VCF2: variants seen among roughly 807,000 people sequenced by gnomAD.
The protein encoded by VCF2 is VCP nuclear cofactor family member 2.
At chrX:55,160,237 T>A in the VCF2 span, among the ~76,000 whole-genome samples, 1 of 112,606 alleles carries the variant, frequency 8.9e-6, no homozygotes, top group Non-Finnish European at 1.9e-5. Flanking sequence ...GGTGCCAGGA[T>A]AAAAGAGTGA....
the VCF2 span, among the ~76,000 whole-genome samples, chrX:55,147,250 TGGTCATAGTCCATA>T: frequency 9.1e-6 from 1 of 109,395 alleles, no homozygotes. Flanking sequence ...AAACCAAGAA[TGGTCATAGTCCATA>T]GGTCATTTGC....
chrX:55,160,998 C>T, the VCF2 span: 1 of 1,167,706 alleles, frequency 8.6e-7, no homozygotes, highest in Non-Finnish European at 1.1e-6. Context: ...GAGCCGAGCG[C>T]CACCAACCCC....
the VCF2 span, among the ~76,000 whole-genome samples, chrX:55,150,524 A>G: frequency 9.0e-6 from 1 of 111,717 alleles, no homozygotes; most frequent in African/African-American, 3.3e-5. Flanking sequence ...CTGGTTCCTA[A>G]GAGGCCGTGG....
chrX:55,145,340 G>T, the VCF2 span: 1 of 749,559 alleles, frequency 1.3e-6, no homozygotes, highest in Non-Finnish European at 1.6e-6. Context: ...TTATCTGACA[G>T]AATTGTGCAG....
the VCF2 span, chrX:55,146,103 C>T: frequency 5.8e-6 from 7 of 1,210,378 alleles, no homozygotes; most frequent in African/African-American, 3.5e-5. Flanking sequence ...AGCTTGCCCT[C>T]GCTGCTGCAG....
the VCF2 span, among the ~76,000 whole-genome samples, chrX:55,149,013 G>A: frequency 9.0e-6 from 1 of 111,403 alleles, no homozygotes; most frequent in African/African-American, 3.3e-5. Flanking sequence ...AACATTCTGT[G>A]CTCTTGGCTT....
the VCF2 span, among the ~76,000 whole-genome samples, chrX:55,152,670 G>C: frequency 8.2e-4 from 92 of 112,061 alleles, no homozygotes; most frequent in African/African-American, 2.9e-3. Context: ...AAAGCCAAGG[G>C]AACTACATCA....
the VCF2 span, among the ~76,000 whole-genome samples, chrX:55,154,586 G>T: frequency 8.9e-6 from 1 of 112,302 alleles, no homozygotes; most frequent in Admixed American, 9.4e-5. Flanking sequence ...CTGGGGTCCA[G>T]GTCTGTGTGA....
At chrX:55,153,012 C>A in the VCF2 span, among the ~76,000 whole-genome samples, 1 of 112,259 alleles carries the variant, frequency 8.9e-6, no homozygotes, top group African/African-American at 3.2e-5. Context: ...CAAAAGATTG[C>A]AACCTCTTGT....
At chrX:55,146,105 C>T in the VCF2 span, 2 of 1,210,646 alleles carry the variant, frequency 1.7e-6, no homozygotes, top group Non-Finnish European at 2.2e-6. Context: ...CTTGCCCTCG[C>T]TGCTGCAGGC....
At chrX:55,151,264 C>CA in the VCF2 span, among the ~76,000 whole-genome samples, 2 of 112,379 alleles carry the variant, frequency 1.8e-5, no homozygotes, top group Non-Finnish European at 3.8e-5. Flanking sequence ...TTTAAGTAAT[C>CA]AAAGTTGACT....
chrX:55,144,395 G>A, the VCF2 span, among the ~76,000 whole-genome samples: 1 of 111,402 alleles, frequency 9.0e-6, no homozygotes, highest in Non-Finnish European at 1.9e-5. Flanking sequence ...CCATACATCT[G>A]GTATTGACTT....
chrX:55,160,881 T>G, the VCF2 span: 4 of 1,155,645 alleles, frequency 3.5e-6, no homozygotes, highest in East Asian at 3.3e-5. Flanking sequence ...AGAACCAGCA[T>G]GTTCTTTCGG....
the VCF2 span, chrX:55,143,288 CAG>C: frequency 2.7e-5 from 3 of 112,078 alleles, no homozygotes; most frequent in African/African-American, 9.8e-5. Context: ...TAACATGTCT[CAG>C]ATCTTGAGGA....
At chrX:55,145,154 T>C in the VCF2 span, 1 of 194,922 alleles carries the variant, frequency 5.1e-6, no homozygotes, top group Non-Finnish European at 7.8e-6. Flanking sequence ...AAAGGGTCTA[T>C]GTAGCATAAA....
At chrX:55,150,418 G>A in the VCF2 span, among the ~76,000 whole-genome samples, 1 of 111,228 alleles carries the variant, frequency 9.0e-6, no homozygotes, top group African/African-American at 3.3e-5. Flanking sequence ...CAGAGTTTGC[G>A]CTCCTATGAG....
the VCF2 span, chrX:55,160,700 A>G: frequency 1.6e-6 from 1 of 631,622 alleles, no homozygotes; most frequent in Admixed American, 3.4e-5. Context: ...GAGAAAGATG[A>G]CAAAACCAAT....
the VCF2 span, chrX:55,160,937 G>A: frequency 1.7e-6 from 2 of 1,164,105 alleles, no homozygotes; most frequent in Non-Finnish European, 2.3e-6. Context: ...GGCGGGGCAC[G>A]AGGCAAGCAG....
chrX:55,155,938 CTTCTT>C, the VCF2 span, among the ~76,000 whole-genome samples: 5 of 91,033 alleles, frequency 5.5e-5, no homozygotes, highest in Admixed American at 3.6e-4. Context: ...CTTTCTTCTT[CTTCTT>C]TTTTTTTTTT....
Sources: allele counts gnomAD v4.1 joint callset (sites outside exome capture counted in the v4.1 genomes callset), GRCh38; gene constraint gnomAD v4.1.1; transcripts MANE v1.5; gene names NCBI Gene and HGNC (gene_info 2026-07-23, HGNC 2026-07-21).